ACKR3: variants seen among roughly 807,000 people sequenced by gnomAD.
ACKR3 encodes the protein C-X-C chemokine receptor type 7.
A neutral mutation model predicts 22.4 loss-of-function variants in ACKR3; 6 were observed. That is an observed-to-expected ratio of 0.27 (90% confidence interval 0.15 to 0.53). The LOEUF (loss-of-function observed/expected upper bound fraction) is 0.53, where lower values mean the gene tolerates loss of function less well. ACKR3 is among the 20% of genes least tolerant of loss of function. The pLI is 0.96. For synonymous variants in ACKR3, 209 were observed against 205.2 expected, an observed-to-expected ratio of 1.02 and a Z score of -0.16; for missense variants, 396 against 475.2, an observed-to-expected ratio of 0.83 and a Z score of 1.55.
At chr2:236,566,945 G>T (rs1369172932), upstream of ACKR3, among the ~76,000 whole-genome samples, 1 of 135,638 alleles carries the variant, frequency 7.4e-6, no homozygotes, top group Admixed American at 7.1e-5. Context: ...CTGCCTGCCT[G>T]CCTGCCTTCC....
chr2:236,538,981 G>T, the ACKR3 span, among the ~76,000 whole-genome samples: 1 of 152,166 alleles, frequency 6.6e-6, no homozygotes, highest in Non-Finnish European at 1.5e-5. Context: ...TATAGATTGT[G>T]CTCTCAGGTT....
chr2:236,544,909 T>A, the ACKR3 span, among the ~76,000 whole-genome samples: 1 of 152,242 alleles, frequency 6.6e-6, no homozygotes, highest in East Asian at 1.9e-4. The surrounding 1 kb of genome is among the most constrained non-coding windows in gnomAD (Gnocchi z 5.0). Context: ...GTTTGTTGGT[T>A]TGCTTTTAAT....
intron 1 of ACKR3, among the ~76,000 whole-genome samples, chr2:236,570,598 G>T (rs1194218824): frequency 6.6e-6 from 1 of 152,180 alleles, no homozygotes; most frequent in Non-Finnish European, 1.5e-5. Flanking sequence ...CTCTTAGAAG[G>T]TGTTAAGTCC....
upstream of ACKR3, among the ~76,000 whole-genome samples, chr2:236,568,837 A>T (rs1691244922): frequency 6.6e-6 from 1 of 152,222 alleles, no homozygotes; most frequent in Non-Finnish European, 1.5e-5. Context: ...GCGTGAATAC[A>T]GCTGGTGCCT....
upstream of ACKR3, among the ~76,000 whole-genome samples, chr2:236,566,264 T>G (rs1048735528): frequency 9.9e-5 from 15 of 152,172 alleles, no homozygotes; most frequent in African/African-American, 3.6e-4. Context: ...GGAGCTTAGC[T>G]GAAACCCCTT....
At chr2:236,573,416 C>T (rs546287483) in intron 1 of ACKR3, among the ~76,000 whole-genome samples, 1 of 152,368 alleles carries the variant, frequency 6.6e-6, no homozygotes, top group African/African-American at 2.4e-5. Flanking sequence ...TTCTTAGCCA[C>T]AAGCGCACCA....
At chr2:236,576,738 C>T (rs62189798) in intron 1 of ACKR3, among the ~76,000 whole-genome samples, 29,985 of 152,218 alleles carry the variant, frequency 0.2, 3,990 homozygotes, top group African/African-American at 0.37. Flanking sequence ...CCATGTTACA[C>T]GGCAGTTCCC....
chr2:236,581,698 TTC>T lies in ACKR3; in HGVS notation c.*150_*151del, dbSNP rs556157398. The T allele has an allele frequency of 1.3e-4, 132 of 1,008,950 alleles. No homozygotes were observed. In the African/African-American group the frequency reaches 2.0e-3, roughly 15 times the overall value. The allele number at this position is 1,008,950 out of a possible 1,614,324, so 62.5% of individuals were successfully genotyped here. A position where few individuals can be genotyped will look rare whatever the true frequency, so the allele number is the denominator to read the frequency against. On this transcript the variant is annotated 3_prime_UTR_variant, in exon 2 of 2. Transcript: ENST00000272928. This position sits in a 1 kb window ranked among gnomAD's most constrained non-coding sequence, Gnocchi z 4.4. ...GGGGAGCACGTGCCCCCTGCATCCA[TTC>T]TCTCTTTCTCTTGATGACGCAGCTG...
chr2:236,576,183 A>T (rs1412361476), intron 1 of ACKR3, among the ~76,000 whole-genome samples: 1 of 152,232 alleles, frequency 6.6e-6, no homozygotes, highest in Admixed American at 6.5e-5. Context: ...GGTTGATTCC[A>T]GCAGAGGGTG....
At chr2:236,576,265 C>T (rs1691410391) in intron 1 of ACKR3, among the ~76,000 whole-genome samples, 1 of 152,320 alleles carries the variant, frequency 6.6e-6, no homozygotes, top group South Asian at 2.1e-4. Flanking sequence ...GTAAACAGAC[C>T]CCGCACAGGC....
At position 236,574,197 on chromosome 2, in the gene ACKR3, C is replaced by A. The variant is rs1408311419; in HGVS notation, c.-27+4273C>A. ...AACAAGAGGCTCAGTCCGTCAACAC[C>A]AGCTCGGTGACGATTTCAGAAAAGT... On this transcript the variant is annotated intron_variant, in intron 1 of 1. Coordinates refer to ENST00000272928, the MANE Select transcript of ACKR3 (RefSeq NM_020311.3). The surrounding 1 kb of genome is among the most constrained non-coding windows in gnomAD (Gnocchi z 5.6). Among the ~76,000 whole-genome samples, 1 of 152,068 alleles carries A rather than the reference C, an allele frequency of 6.6e-6. No homozygotes were observed. Among genetic ancestry groups the A allele is most frequent in the Non-Finnish European group, 1.5e-5 (1 of 67,998 alleles).
At position 236,581,687 on chromosome 2, in the gene ACKR3, C is replaced by T; in HGVS notation, c.*133C>T. 6.1e-6 allele frequency: 7 copies of T among 1,141,238 alleles called. No homozygotes were observed. Among genetic ancestry groups the T allele is most frequent in the Non-Finnish European group, 8.6e-6 (7 of 815,538 alleles). The allele number at this position is 1,141,238 out of a possible 1,614,324, so 70.7% of individuals were successfully genotyped here. A position where few individuals can be genotyped will look rare whatever the true frequency, so the allele number is the denominator to read the frequency against. On this transcript the variant is annotated 3_prime_UTR_variant, in exon 2 of 2. Transcript: ENST00000272928. This position sits in a 1 kb window ranked among gnomAD's most constrained non-coding sequence, Gnocchi z 4.4. Reference sequence around the variant, plus strand: ...TAGAGTGAAGAGGGGAGCACGTGCCCCCTGCATCCATTCTCTCTTTCTCTT... The same window carrying T: ...TAGAGTGAAGAGGGGAGCACGTGCCTCCTGCATCCATTCTCTCTTTCTCTT...
chr2:236,541,846 G>A, the ACKR3 span, among the ~76,000 whole-genome samples: 10 of 152,162 alleles, frequency 6.6e-5, no homozygotes, highest in Non-Finnish European at 1.2e-4. Flanking sequence ...CCCTGCACAT[G>A]CTCTGTTGTC....
At chr2:236,559,916 G>A in the ACKR3 span, among the ~76,000 whole-genome samples, 1 of 152,122 alleles carries the variant, frequency 6.6e-6, no homozygotes, top group African/African-American at 2.4e-5. Flanking sequence ...TACCACACTA[G>A]GTCCATTAAT....
intron 1 of ACKR3, among the ~76,000 whole-genome samples, chr2:236,578,205 G>A (rs557217896): frequency 5.9e-5 from 9 of 152,320 alleles, no homozygotes; most frequent in African/African-American, 1.7e-4. Flanking sequence ...GGGGTTGCCC[G>A]TCCACCCTGG....
intron 1 of ACKR3, among the ~76,000 whole-genome samples, chr2:236,571,039 A>T (rs959550496): frequency 2.6e-5 from 4 of 152,234 alleles, no homozygotes; most frequent in African/African-American, 9.6e-5. Flanking sequence ...TGCTGCTTTT[A>T]GTGTCCCTTT....
At chr2:236,568,613 G>A (rs756687030), upstream of ACKR3, among the ~76,000 whole-genome samples, 1 of 152,200 alleles carries the variant, frequency 6.6e-6, no homozygotes, top group Non-Finnish European at 1.5e-5. Context: ...TGTGCACCTC[G>A]CCTCCCGCTG....
At chr2:236,537,308 G>T in the ACKR3 span, among the ~76,000 whole-genome samples, 1 of 152,230 alleles carries the variant, frequency 6.6e-6, no homozygotes, top group African/African-American at 2.4e-5. Flanking sequence ...TCCTAAGTGT[G>T]AGCGGCTGGT....
intron 1 of ACKR3, among the ~76,000 whole-genome samples, chr2:236,571,169 T>G (rs1039324028): frequency 6.6e-5 from 10 of 152,236 alleles, no homozygotes; most frequent in Non-Finnish European, 1.3e-4. Context: ...TTGCCCTTCT[T>G]TCATCAGAAT....
Sources: gnomAD v4.1 joint callset for allele counts (sites outside exome capture counted in the v4.1 genomes callset) on GRCh38, gnomAD v4.1.1 for gene constraint, Gnocchi (gnomAD v3.1) non-coding constraint, MANE v1.5 for transcripts, NCBI Gene and HGNC (gene_info 2026-07-23, HGNC 2026-07-21) for gene names.